Variants in PXDNL observed in about 807,000 individuals in gnomAD.
The protein encoded by PXDNL is probable oxidoreductase PXDNL.
A neutral mutation model predicts 150.8 loss-of-function variants in PXDNL; 145 were observed. The ratio of observed to expected loss-of-function variants is 0.96; its 90% CI spans 0.84 to 1.10. The LOEUF (loss-of-function observed/expected upper bound fraction) is 1.10, where lower values mean the gene tolerates loss of function less well. PXDNL is among the 50% of genes least tolerant of loss of function. PXDNL has a pLI of 0.00. For synonymous variants in PXDNL, 757 were observed against 725.7 expected, an observed-to-expected ratio of 1.04 and a Z score of -0.69; for missense variants, 2,087 against 1,873.9, an observed-to-expected ratio of 1.11 and a Z score of -2.10.
chr8:51,428,928 T>C (rs1809180743), intron 12 of PXDNL, among the ~76,000 whole-genome samples: 1 of 152,270 alleles, frequency 6.6e-6, no homozygotes, highest in Non-Finnish European at 1.5e-5. Context: ...AGAAAATATT[T>C]GCAAACCACA....
chr8:51,766,623 G>A (rs2037234550), intron 1 of PXDNL, among the ~76,000 whole-genome samples: 2 of 152,068 alleles, frequency 1.3e-5, no homozygotes, highest in South Asian at 4.1e-4. Context: ...TTGTTTGACA[G>A]TCATTTTCTT....
intron 1 of PXDNL, among the ~76,000 whole-genome samples, chr8:51,696,831 A>ACAAC (rs1816152639): frequency 6.7e-6 from 1 of 149,702 alleles, no homozygotes; most frequent in Non-Finnish European, 1.5e-5. Flanking sequence ...ACACACACAC[A>ACAAC]CACACACAGG....
intron 3 of PXDNL, among the ~76,000 whole-genome samples, chr8:51,561,579 G>A (rs11998488): frequency 0.04 from 6,131 of 151,784 alleles, 395 homozygotes; most frequent in African/African-American, 0.14. Context: ...CTACAAAATG[G>A]ATTAACATTG....
intron 12 of PXDNL, among the ~76,000 whole-genome samples, chr8:51,446,682 C>G (rs1035064148): frequency 6.6e-6 from 1 of 151,914 alleles, no homozygotes; most frequent in Admixed American, 6.6e-5. Context: ...CACGTCAGGC[C>G]GAGAAGCTGC....
chr8:51,492,432 G>A lies in PXDNL; in HGVS notation c.452+7267C>T, dbSNP rs577726908. On this transcript the variant is annotated intron_variant, in intron 5 of 22. Coordinates refer to ENST00000356297, the MANE Select transcript of PXDNL (RefSeq NM_144651.5). The stretch of plus-strand genomic sequence containing the variant: ...TCTCACTGGAGAGTGTCAGAAAGTG[G>A]GTGCAGGACAGTGGGTGCAGCACAC... Among the ~76,000 whole-genome samples, 15 of 152,116 alleles carry A rather than the reference G, an allele frequency of 9.9e-5. 1 individual carries two copies. Among genetic ancestry groups the A allele is most frequent in the African/African-American group, 3.1e-4 (13 of 41,508 alleles).
chr8:51,610,557 T>A, intron 2 of PXDNL, among the ~76,000 whole-genome samples: 1 of 152,184 alleles, frequency 6.6e-6, no homozygotes, highest in South Asian at 2.1e-4. Context: ...TTTCTATTGC[T>A]ATATAACAAA....
chr8:51,516,515 G>A (rs1811543379), intron 4 of PXDNL, among the ~76,000 whole-genome samples: 1 of 152,322 alleles, frequency 6.6e-6, no homozygotes, highest in Admixed American at 6.5e-5. Context: ...ACCATGATAA[G>A]TAATTAGGGT....
chr8:51,732,001 C>A (rs1360870372), intron 1 of PXDNL, among the ~76,000 whole-genome samples: 1 of 152,186 alleles, frequency 6.6e-6, no homozygotes, highest in African/African-American at 2.4e-5. Context: ...TAACACTGGA[C>A]TCCTCATTAC....
At chr8:51,441,679 G>T (rs550562374) in intron 12 of PXDNL, among the ~76,000 whole-genome samples, 40 of 152,312 alleles carry the variant, frequency 2.6e-4, no homozygotes, top group African/African-American at 8.7e-4. Context: ...TCACTGTGAT[G>T]ATTACAGCTT....
rs183339943 is a variant in PXDNL at position 51,594,488 on chromosome 8, C to G, written c.237-1790G>C. On this transcript the variant is annotated intron_variant, in intron 2 of 22. Coordinates refer to ENST00000356297, the MANE Select transcript of PXDNL (RefSeq NM_144651.5). ...TTCAGTATATTAAATGTGCTTGAAG[C>G]CTAGGTTTCTGCATATTCTTTTAGA... Among the ~76,000 whole-genome samples, 504 of 152,184 alleles carry G rather than the reference C, an allele frequency of 3.3e-3. 5 individuals carry two copies. Among genetic ancestry groups the G allele is most frequent in the South Asian group, 0.016 (78 of 4,818 alleles).
intron 8 of PXDNL, among the ~76,000 whole-genome samples, chr8:51,459,265 G>A (rs1207482656): frequency 1.3e-5 from 2 of 152,076 alleles, no homozygotes; most frequent in Non-Finnish European, 2.9e-5. Flanking sequence ...CCCATTCAAG[G>A]GGCTCATTTA....
At chr8:51,411,197 G>A in intron 16 of PXDNL, 53 bp downstream of exon 16, 1 of 1,328,872 alleles carries the variant, frequency 7.5e-7, no homozygotes, top group Non-Finnish European at 9.7e-7. Flanking sequence ...CTAAGGTGGT[G>A]GTCAGTTTTT....
rs71237206 is a variant in PXDNL at position 51,433,209 on chromosome 8, AAATAATAATAAT to A, written c.1526-6463_1526-6452del. Among the ~76,000 whole-genome samples, 1,267 of 144,154 alleles carry A rather than the reference AAATAATAATAAT, an allele frequency of 8.8e-3. 12 individuals carry two copies. Among genetic ancestry groups the A allele is most frequent in the South Asian group, 0.032 (141 of 4,472 alleles). The allele number at this position is 144,154 out of a possible 152,430, so 94.6% of individuals were successfully genotyped here. On this transcript the variant is annotated intron_variant, in intron 12 of 22. Transcript: ENST00000356297. ...GGGTGACAGAGTAAGACTCTATCTC[AAATAATAATAAT>A]AATAATAATAATAATAATAATAATA...
chr8:51,403,910 G>A (rs889226199), intron 17 of PXDNL, among the ~76,000 whole-genome samples: 1 of 152,176 alleles, frequency 6.6e-6, no homozygotes, highest in African/African-American at 2.4e-5. Flanking sequence ...GGTGTGTCCG[G>A]AGTTTGTTCC....
intron 17 of PXDNL, among the ~76,000 whole-genome samples, chr8:51,386,868 G>A (rs1807733162): frequency 6.6e-6 from 1 of 150,866 alleles, no homozygotes; most frequent in Non-Finnish European, 1.5e-5. Context: ...TCAGCCAAGT[G>A]ACAAGCATTT....
intron 22 of PXDNL, 33 bp downstream of exon 22, chr8:51,320,751 G>T: frequency 7.6e-7 from 1 of 1,310,244 alleles, no homozygotes; most frequent in Non-Finnish European, 1.1e-6. Context: ...GAAGTGAAAT[G>T]GGGAGTTGGA....
intron 14 of PXDNL, among the ~76,000 whole-genome samples, chr8:51,418,453 C>T (rs1342944662): frequency 6.6e-6 from 1 of 152,046 alleles, no homozygotes; most frequent in Non-Finnish European, 1.5e-5. Context: ...ACTTTATTGT[C>T]CACTTATAAC....
At position 51,809,236 on chromosome 8, in the gene PXDNL, AGCGGACG is replaced by A; in HGVS notation, c.102_108del (p.Val35AlafsTer4). The A allele has an allele frequency of 6.2e-7, 1 of 1,613,206 alleles. No individual in the cohort carries two copies. The highest frequency in any genetic ancestry group is 8.5e-7 in the Non-Finnish European group (1 of 1,179,598). On this transcript the variant is annotated frameshift_variant, in exon 1 of 23. Transcript: ENST00000356297. LOFTEE classifies it high-confidence loss of function. Reference sequence around the variant, plus strand: ...ATGTGGTCCAGCATCAAGTGCATGCAGCGGACGGTGCTCTTAAAGCAAAGGCACCGGC... The same window carrying A: ...ATGTGGTCCAGCATCAAGTGCATGCAGTGCTCTTAAAGCAAAGGCACCGGC...
intron 1 of PXDNL, among the ~76,000 whole-genome samples, chr8:51,807,410 G>A (rs1194956689): frequency 1.3e-5 from 2 of 152,024 alleles, no homozygotes; most frequent in African/African-American, 2.4e-5. Context: ...ATGAGAATCC[G>A]CCCCCACTAT....
Sources: allele counts gnomAD v4.1 joint callset (sites outside exome capture counted in the v4.1 genomes callset), GRCh38; gene constraint gnomAD v4.1.1; transcripts MANE v1.5; gene names NCBI Gene and HGNC (gene_info 2026-07-23, HGNC 2026-07-21).